Variants in OASL observed in about 807,000 individuals in gnomAD.
OASL encodes 2'-5'-oligoadenylate synthetase like, also known as 2'-5'-oligoadenylate synthase-like protein.
Under a neutral mutation model 35.3 loss-of-function variants are expected in OASL, and 28 were observed. That is an observed-to-expected ratio of 0.79 (90% CI 0.59 to 1.09). The LOEUF (loss-of-function observed/expected upper bound fraction) is 1.09, where lower values mean the gene tolerates loss of function less well. Among genes scored for constraint, OASL ranks in the 50% least tolerant of loss-of-function variants. OASL has a pLI of 0.00. For synonymous variants in OASL, 252 were observed against 254.6 expected (o/e 0.99, Z 0.10); for missense variants, 620 against 635.2 (o/e 0.98, Z 0.26).
At chr12:121,038,730 A>G (rs752461010) in intron 1 of OASL, 44 bp downstream of exon 1, 1 of 1,596,474 alleles carries the variant, frequency 6.3e-7, no homozygotes, top group Non-Finnish European at 8.6e-7. Context: ...GGACTCTGAT[A>G]CTGGGTTTTG....
intron 1 of OASL, among the ~76,000 whole-genome samples, chr12:121,035,068 A>G (rs7969063): frequency 0.9 from 136,173 of 151,722 alleles, 61,698 homozygotes; most frequent in Non-Finnish European, 0.96. Flanking sequence ...GACCCCCAGA[A>G]GGCTACTTTT....
intron 3 of OASL, among the ~76,000 whole-genome samples, chr12:121,028,909 AC>A (rs1869611875): frequency 6.6e-6 from 1 of 151,908 alleles, no homozygotes; most frequent in African/African-American, 2.4e-5. Context: ...TACTAAAAAT[AC>A]AAAAATTAGC....
intron 4 of OASL, among the ~76,000 whole-genome samples, chr12:121,026,352 C>A (rs1013829165): frequency 1.3e-5 from 2 of 152,188 alleles, no homozygotes; most frequent in Non-Finnish European, 2.9e-5. Context: ...CTTACACAGG[C>A]CCAGAGCTTC....
intron 4 of OASL, among the ~76,000 whole-genome samples, chr12:121,025,803 G>T (rs572435258): frequency 6.6e-6 from 1 of 151,564 alleles, no homozygotes; most frequent in South Asian, 2.1e-4. Context: ...AAAAAACCCA[G>T]CCCTTTGTAC....
intron 5 of OASL, chr12:121,023,714 A>T: frequency 3.0e-6 from 1 of 332,864 alleles, no homozygotes. Flanking sequence ...GACCCAACTC[A>T]CGCAAAGAAT....
At chr12:121,027,467 G>A (rs951582557) in intron 4 of OASL, 109 bp downstream of exon 4, 13 of 1,494,272 alleles carry the variant, frequency 8.7e-6, no homozygotes, top group Non-Finnish European at 1.2e-5. Context: ...CAACTATGGT[G>A]GCAGCCTTAC....
Position 121,035,913 on chromosome 12 carries a change from A to C in OASL, c.199-2170T>G, listed in dbSNP as rs1242487226. 2.0e-5 allele frequency among the ~76,000 whole-genome samples: 3 copies of C among 152,152 alleles called. No homozygotes were observed. The East Asian group carries it at 5.8e-4, about 29-fold the overall frequency. ...TGCTCTGTTGCCCAGGCTGGAGTGC[A>C]ATGGCACGATCTTCACTCACTGAAG... On this transcript the variant is annotated intron_variant, in intron 1 of 5. Transcript: ENST00000257570.
chr12:121,033,381 G>T, intron 2 of OASL, 80 bp downstream of exon 2: 1 of 1,425,278 alleles, frequency 7.0e-7, no homozygotes, highest in Non-Finnish European at 9.7e-7. Flanking sequence ...TGTGCACGTG[G>T]CCATGAGTAA....
intron 3 of OASL, 102 bp downstream of exon 3, chr12:121,031,340 C>T: frequency 8.6e-7 from 1 of 1,164,440 alleles, no homozygotes; most frequent in East Asian, 2.4e-5. Context: ...TACCTGCTTC[C>T]ATTTCCCCTG....
intron 3 of OASL, among the ~76,000 whole-genome samples, chr12:121,028,646 A>G (rs1208100348): frequency 1.0e-5 from 1 of 96,622 alleles, no homozygotes; most frequent in Non-Finnish European, 1.9e-5. Context: ...CCTACTGTTT[A>G]GGGGTTTTCC....
intron 1 of OASL, among the ~76,000 whole-genome samples, chr12:121,034,694 C>T (rs1369210720): frequency 6.6e-6 from 1 of 152,182 alleles, no homozygotes; most frequent in East Asian, 1.9e-4. Flanking sequence ...GGTAAACATT[C>T]TGACTCCTGA....
At chr12:121,026,724 C>A (rs557558899) in intron 4 of OASL, among the ~76,000 whole-genome samples, 4 of 152,064 alleles carry the variant, frequency 2.6e-5, no homozygotes, top group South Asian at 2.1e-4. Context: ...GGGTTGTAGG[C>A]GCCTGTAATC....
chr12:121,035,397 C>T (rs1869911673), intron 1 of OASL, among the ~76,000 whole-genome samples: 1 of 151,928 alleles, frequency 6.6e-6, no homozygotes, highest in Non-Finnish European at 1.5e-5. Context: ...TGGTTGTGTG[C>T]ACCTGTAATC....
intron 4 of OASL, among the ~76,000 whole-genome samples, 182 bp downstream of exon 4, chr12:121,027,394 C>T (rs1481482189): frequency 6.6e-6 from 1 of 152,228 alleles, no homozygotes; most frequent in Non-Finnish European, 1.5e-5. Flanking sequence ...CCATGGCCCC[C>T]CAGTGACTTT....
At chr12:121,028,637 C>A (rs577546477) in intron 3 of OASL, among the ~76,000 whole-genome samples, 1 of 147,024 alleles carries the variant, frequency 6.8e-6, no homozygotes, top group Non-Finnish European at 1.5e-5. Flanking sequence ...CCCGCCCCCC[C>A]TACTGTTTAG....
rs542758520 is a variant in OASL, at chr12:121,028,900, A to G, written c.658-1083T>C. Among the ~76,000 whole-genome samples the G allele has an allele frequency of 4.6e-5, 7 of 152,028 alleles. No individual in the cohort carries two copies. In the South Asian group the frequency reaches 1.5e-3, roughly 32 times the overall value. On this transcript the variant is annotated intron_variant, in intron 3 of 5. Coordinates refer to ENST00000257570, the Ensembl canonical transcript of OASL. ...GCCAACATGGTGAAACCCCGTCTCT[A>G]CTAAAAATACAAAAATTAGCCAGGT...
chr12:121,034,386 C>T (rs1172297784), intron 1 of OASL, among the ~76,000 whole-genome samples: 1 of 152,060 alleles, frequency 6.6e-6, no homozygotes, highest in Non-Finnish European at 1.5e-5. Flanking sequence ...AGGCTGGTCT[C>T]GAACTCCTGG....
chr12:121,022,821 G>T (rs1869301736), intron 5 of OASL, among the ~76,000 whole-genome samples: 1 of 152,100 alleles, frequency 6.6e-6, no homozygotes, highest in African/African-American at 2.4e-5. Flanking sequence ...ATCTTCTCTG[G>T]TGACTTCAGT....
chr12:121,021,176 A>G (rs925179466), intron 5 of OASL, 118 bp from the exon 6 acceptor site: 1 of 1,073,190 alleles, frequency 9.3e-7, no homozygotes, highest in African/African-American at 1.6e-5. Context: ...GCAGCAGCAA[A>G]TGTTTAGGGA....
Sources: allele counts gnomAD v4.1 joint callset (sites outside exome capture counted in the v4.1 genomes callset), GRCh38; gene constraint gnomAD v4.1.1; transcripts MANE v1.5; gene names NCBI Gene and HGNC (gene_info 2026-07-23, HGNC 2026-07-21).